Variants in PCTP observed in about 807,000 individuals in gnomAD.
PCTP encodes phosphatidylcholine transfer protein.
PCTP carries 27 observed loss-of-function variants against 31.0 expected under a neutral mutation model. That is an observed-to-expected ratio of 0.87 (90% CI 0.64 to 1.20). The LOEUF is 1.20. PCTP is among the 50% of genes most tolerant of loss of function. The pLI, the probability that PCTP is intolerant of heterozygous loss-of-function variation, is 0.00. For missense variants in PCTP, 287 were observed against 268.2 expected (o/e 1.07, Z -0.49); for synonymous variants, 108 against 101.2 (o/e 1.07, Z -0.40).
At chr17:55,780,154 T>C (rs959848059), downstream of PCTP, among the ~76,000 whole-genome samples, 1 of 151,582 alleles carries the variant, frequency 6.6e-6, no homozygotes, top group African/African-American at 2.4e-5. Flanking sequence ...GGTTGCAGAG[T>C]TTAGAACCAA....
At chr17:55,773,694 G>T in intron 3 of PCTP, 30 bp from the exon 4 acceptor site, 1 of 1,585,298 alleles carries the variant, frequency 6.3e-7, no homozygotes. Flanking sequence ...CAATGCTGGC[G>T]TTGGTGTCTT....
intron 5 of PCTP, among the ~76,000 whole-genome samples, chr17:55,831,209 G>C (rs1281847228): frequency 6.6e-6 from 1 of 152,198 alleles, no homozygotes; most frequent in African/African-American, 2.4e-5. Flanking sequence ...GACAGTTCTT[G>C]TAATACTCCC....
chr17:55,777,977 T>G (rs1191439300), downstream of PCTP, among the ~76,000 whole-genome samples: 3 of 152,202 alleles, frequency 2.0e-5, no homozygotes, highest in African/African-American at 7.2e-5. Flanking sequence ...AATGGTGTCA[T>G]GTAAACCATT....
downstream of PCTP, among the ~76,000 whole-genome samples, chr17:55,843,301 G>A (rs1213861832): frequency 1.3e-5 from 2 of 152,136 alleles, no homozygotes; most frequent in Non-Finnish European, 2.9e-5. Flanking sequence ...AAGGATGATT[G>A]CACTGCATGA....
chr17:55,771,055 T>G, intron 2 of PCTP, 51 bp from the exon 3 acceptor site: 1 of 1,379,632 alleles, frequency 7.2e-7, no homozygotes, highest in Non-Finnish European at 1.0e-6. Flanking sequence ...CCCTTATTAG[T>G]TGTAGCTAAA....
downstream of PCTP, among the ~76,000 whole-genome samples, chr17:55,827,439 C>T (rs2145073645): frequency 6.6e-6 from 1 of 152,326 alleles, no homozygotes; most frequent in Middle Eastern, 3.4e-3. Context: ...TTAAGCCTGG[C>T]CCACAGAAAC....
At chr17:55,827,459 C>T (rs1358332791), downstream of PCTP, among the ~76,000 whole-genome samples, 4 of 152,228 alleles carry the variant, frequency 2.6e-5, no homozygotes, top group African/African-American at 7.2e-5. Context: ...CAAGAATGCT[C>T]AGCTGATGGC....
chr17:55,802,329 C>T (rs1377485934), intron 3 of PCTP, among the ~76,000 whole-genome samples: 2 of 152,142 alleles, frequency 1.3e-5, no homozygotes, highest in African/African-American at 2.4e-5. Flanking sequence ...CTATTCCAAA[C>T]AATACAAAAA....
At chr17:55,840,867 T>A (rs1303341615) in intron 5 of PCTP, among the ~76,000 whole-genome samples, 2 of 152,244 alleles carry the variant, frequency 1.3e-5, no homozygotes, top group African/African-American at 4.8e-5. Flanking sequence ...AGATTCTGGA[T>A]TTTTGGATTT....
chr17:55,770,238 T>G (rs1407273402), intron 2 of PCTP: 10 of 152,182 alleles, frequency 6.6e-5, no homozygotes, highest in Non-Finnish European at 1.5e-5. Flanking sequence ...TGTGGCATAG[T>G]GCAAAGAAAC....
At chr17:55,813,577 G>T (rs1265848406) in intron 3 of PCTP, among the ~76,000 whole-genome samples, 1 of 152,114 alleles carries the variant, frequency 6.6e-6, no homozygotes, top group Non-Finnish European at 1.5e-5. Context: ...GGCCTCCCAA[G>T]GTGCTGGGAT....
intron 5 of PCTP, 151 bp from the exon 6 acceptor site, chr17:55,775,884 A>T: frequency 7.2e-7 from 1 of 1,395,492 alleles, no homozygotes; most frequent in Non-Finnish European, 9.3e-7. Context: ...TTTTGTCATC[A>T]TCTGCAACAA....
intron 3 of PCTP, among the ~76,000 whole-genome samples, chr17:55,795,113 C>T (rs539224523): frequency 3.3e-5 from 5 of 152,110 alleles, no homozygotes; most frequent in Admixed American, 3.3e-4. Flanking sequence ...ATGAACATGA[C>T]ATGAGATGTT....
At chr17:55,770,400 G>A (rs1446798381) in intron 2 of PCTP, 1 of 152,170 alleles carries the variant, frequency 6.6e-6, no homozygotes, top group African/African-American at 2.4e-5. Context: ...AATGGATCAA[G>A]GAATCCTAAA....
intron 3 of PCTP, among the ~76,000 whole-genome samples, chr17:55,772,354 A>G (rs181566602): frequency 1.6e-3 from 247 of 152,180 alleles, no homozygotes; most frequent in Non-Finnish European, 2.8e-3. Context: ...TTGGGAGTCC[A>G]AAGTGGGCAG....
At chr17:55,816,448 G>A (rs942705609) in intron 3 of PCTP, among the ~76,000 whole-genome samples, 1 of 152,170 alleles carries the variant, frequency 6.6e-6, no homozygotes, top group Non-Finnish European at 1.5e-5. Context: ...TTTTAGCAAG[G>A]CTATATTAGT....
chr17:55,822,899 T>A, exon 4 of PCTP: 71 of 1,008,472 alleles, frequency 7.0e-5, no homozygotes, highest in Middle Eastern at 3.6e-4. Context: ...AGAAGCTGAG[T>A]CTTTGTTGAA....
chr17:55,782,944 A>G (rs1911611779), intron 2 of PCTP, among the ~76,000 whole-genome samples: 1 of 152,210 alleles, frequency 6.6e-6, no homozygotes, highest in East Asian at 1.9e-4. Flanking sequence ...CCCAAATTAT[A>G]TACTCAATAG....
At chr17:55,814,334 T>C (rs527624476) in intron 3 of PCTP, among the ~76,000 whole-genome samples, 1 of 152,316 alleles carries the variant, frequency 6.6e-6, no homozygotes, top group East Asian at 1.9e-4. Flanking sequence ...TCAAAAGTGT[T>C]CACTAAAATG....
Sources: gnomAD v4.1 joint callset for allele counts (sites outside exome capture counted in the v4.1 genomes callset) on GRCh38, gnomAD v4.1.1 for gene constraint, MANE v1.5 for transcripts, NCBI Gene and HGNC (gene_info 2026-07-23, HGNC 2026-07-21) for gene names.